The following NCKAP5 variants were observed in gnomAD, a reference collection of about 807,000 sequenced individuals.
The protein encoded by NCKAP5 is NCK associated protein 5.
A neutral mutation model predicts 167.0 loss-of-function variants in NCKAP5; 92 were observed. The observed-to-expected ratio is 0.55, with a 90% CI of 0.47 to 0.66. The LOEUF is 0.66. Among genes scored for constraint, NCKAP5 ranks in the 30% least tolerant of loss-of-function variants. The pLI is 0.00. For missense variants in NCKAP5, 2,378 were observed against 2,315.0 expected (o/e 1.03, Z -0.56); for synonymous variants, 891 against 877.4 (o/e 1.02, Z -0.27).
intron 4 of NCKAP5, among the ~76,000 whole-genome samples, chr2:133,240,633 T>G (rs939333401): frequency 9.2e-5 from 14 of 152,210 alleles, no homozygotes; most frequent in Non-Finnish European, 7.3e-5. Flanking sequence ...ACGTATAACT[T>G]GGGTACTTCC....
intron 19 of NCKAP5, among the ~76,000 whole-genome samples, chr2:132,698,269 G>A (rs1416512277): frequency 6.6e-6 from 1 of 151,982 alleles, no homozygotes; most frequent in Non-Finnish European, 1.5e-5. Flanking sequence ...GACCAAATTT[G>A]TTCTGTCTTT....
intron 7 of NCKAP5, among the ~76,000 whole-genome samples, chr2:132,979,109 G>A (rs945858837): frequency 6.6e-6 from 1 of 152,118 alleles, no homozygotes; most frequent in Non-Finnish European, 1.5e-5. Flanking sequence ...TCCAGGGCCT[G>A]TCATCATGTC....
the NCKAP5 span, among the ~76,000 whole-genome samples, chr2:133,666,323 G>A: frequency 1.2e-4 from 18 of 150,964 alleles, 1 homozygote; most frequent in African/African-American, 4.2e-4. Context: ...TCAGCCTCTC[G>A]AGTATCTGGG....
intron 15 of NCKAP5, among the ~76,000 whole-genome samples, chr2:132,776,271 ATGTG>A (rs1003181352): frequency 1.3e-5 from 2 of 151,788 alleles, no homozygotes; most frequent in African/African-American, 2.4e-5. Context: ...TTTTTCATGC[ATGTG>A]TGTGTGTATA....
At chr2:133,218,251 A>G (rs2086514459) in intron 4 of NCKAP5, among the ~76,000 whole-genome samples, 1 of 152,212 alleles carries the variant, frequency 6.6e-6, no homozygotes, top group Admixed American at 6.5e-5. Flanking sequence ...ATTCCAAAAC[A>G]AAAATACACT....
At chr2:133,547,019 G>A (rs550812595) in intron 2 of NCKAP5, among the ~76,000 whole-genome samples, 9 of 152,264 alleles carry the variant, frequency 5.9e-5, no homozygotes, top group East Asian at 1.9e-4. Flanking sequence ...CAGTGGGTGC[G>A]CGCACCGTGC....
At chr2:133,647,333 A>AAAAGAAAGG in the NCKAP5 span, among the ~76,000 whole-genome samples, 4,836 of 136,718 alleles carry the variant, frequency 0.035, 603 homozygotes, top group East Asian at 0.26. Flanking sequence ...CAAGACCGAA[A>AAAAGAAAGG]AAAGAAAGGA....
At chr2:133,067,016 G>C (rs1434582417) in intron 6 of NCKAP5, among the ~76,000 whole-genome samples, 1 of 87,986 alleles carries the variant, frequency 1.1e-5, no homozygotes, top group Non-Finnish European at 2.2e-5. Context: ...AGGAAACTCA[G>C]TGCCATTTTA....
At chr2:133,356,218 C>T (rs761744562) in intron 3 of NCKAP5, among the ~76,000 whole-genome samples, 9 of 152,170 alleles carry the variant, frequency 5.9e-5, no homozygotes, top group Admixed American at 2.0e-4. Flanking sequence ...TGAGCCACCT[C>T]GCCCAACTAG....
chr2:133,210,213 T>C (rs2086151105), intron 5 of NCKAP5, among the ~76,000 whole-genome samples: 1 of 123,678 alleles, frequency 8.1e-6, no homozygotes, highest in African/African-American at 2.7e-5. Context: ...TATAATGTAA[T>C]GTAATGTAAA....
chr2:133,172,860 G>A (rs1407367267), intron 5 of NCKAP5, among the ~76,000 whole-genome samples: 1 of 151,996 alleles, frequency 6.6e-6, no homozygotes, highest in Non-Finnish European at 1.5e-5. Context: ...TGTTAGCCAG[G>A]GTAGTCTCGA....
At chr2:133,567,787 CAG>C (rs1402208887) in intron 1 of NCKAP5, among the ~76,000 whole-genome samples, 1 of 151,462 alleles carries the variant, frequency 6.6e-6, no homozygotes, top group East Asian at 1.9e-4. Flanking sequence ...CAGAAAGAAT[CAG>C]AGACAAAAAG....
intron 6 of NCKAP5, among the ~76,000 whole-genome samples, chr2:133,102,314 T>C (rs1427127809): frequency 2.0e-5 from 3 of 151,914 alleles, no homozygotes; most frequent in Non-Finnish European, 4.4e-5. Context: ...GCCTGGCTAA[T>C]TTTTTTGTAT....
At chr2:133,197,466 G>T (rs2085487136) in intron 5 of NCKAP5, among the ~76,000 whole-genome samples, 1 of 152,034 alleles carries the variant, frequency 6.6e-6, no homozygotes, top group African/African-American at 2.4e-5. Context: ...GCAAGACAAA[G>T]AATACCATAA....
the NCKAP5 span, among the ~76,000 whole-genome samples, chr2:133,656,144 T>C: frequency 2.6e-5 from 4 of 152,190 alleles, no homozygotes; most frequent in African/African-American, 9.7e-5. Context: ...GATGAAATGC[T>C]GCTATAGATT....
intron 19 of NCKAP5, among the ~76,000 whole-genome samples, chr2:132,676,430 A>G (rs1473825069): frequency 6.6e-6 from 1 of 151,686 alleles, no homozygotes; most frequent in African/African-American, 2.4e-5. Flanking sequence ...GCCTAGGATC[A>G]GAAGAGTCTT....
At chr2:133,483,559 G>C (rs1321647706) in intron 3 of NCKAP5, among the ~76,000 whole-genome samples, 2 of 149,386 alleles carry the variant, frequency 1.3e-5, no homozygotes, top group African/African-American at 4.9e-5. Flanking sequence ...AAGATGCTCA[G>C]GATAATCCAG....
rs1030537878 is a variant in NCKAP5, at chr2:133,255,079, T to A, written c.144-41300A>T. On this transcript the variant is annotated intron_variant, in intron 4 of 19. Coordinates refer to ENST00000409261, the MANE Select transcript of NCKAP5 (RefSeq NM_207363.3). Reference sequence around the variant, plus strand: ...AATAAAATAACTTCTTAGATTTTTGTGGTGGTTGTCAGAATAAAATACTGG... The same window carrying A: ...AATAAAATAACTTCTTAGATTTTTGAGGTGGTTGTCAGAATAAAATACTGG... 2.2e-4 allele frequency among the ~76,000 whole-genome samples: 34 copies of A among 152,036 alleles called. 1 individual carries two copies. Among genetic ancestry groups the A allele is most frequent in the Non-Finnish European group, 8.8e-5 (6 of 68,006 alleles).
chr2:132,845,633 C>A (rs1297775756), intron 11 of NCKAP5, among the ~76,000 whole-genome samples: 1 of 152,086 alleles, frequency 6.6e-6, no homozygotes, highest in South Asian at 2.1e-4. Flanking sequence ...CTATTTATTT[C>A]TTCTTGGTCC....
Sources: allele counts gnomAD v4.1 joint callset (sites outside exome capture counted in the v4.1 genomes callset), GRCh38; gene constraint gnomAD v4.1.1; transcripts MANE v1.5; gene names NCBI Gene and HGNC (gene_info 2026-07-23, HGNC 2026-07-21).